The following DIS3 variants were observed in gnomAD, a reference collection of about 807,000 sequenced individuals.
DIS3 encodes the protein DIS3 exosome endoribonuclease and 3'-5' exoribonuclease.
Under a neutral mutation model 113.0 loss-of-function variants are expected in DIS3, and 103 were observed. The observed-to-expected ratio is 0.91, with a 90% CI of 0.78 to 1.07. The LOEUF is 1.07. Ranked by LOEUF, DIS3 falls within the 50% of genes least tolerant of loss-of-function variation. DIS3 has a pLI of 0.00. For missense variants in DIS3, 1,121 were observed against 1,167.1 expected, an observed-to-expected ratio of 0.96 and a Z score of 0.58; for synonymous variants, 402 against 394.3, an observed-to-expected ratio of 1.02 and a Z score of -0.23.
Position 72,759,093 on chromosome 13 carries a change from AC to A in DIS3, c.*701del, listed in dbSNP as rs2033563089. The A allele has an allele frequency of 5.5e-6, 1 of 180,604 alleles. No homozygotes were observed. Among genetic ancestry groups the A allele is most frequent in the African/African-American group, 2.4e-5 (1 of 42,432 alleles). 11.2% of individuals were successfully genotyped at this position (180,604 alleles called of 1,614,324 possible). A position where few individuals can be genotyped will look rare whatever the true frequency, so the allele number is the denominator to read the frequency against. ...TTATTTTGTAAGTAACAAGATATAG[AC>A]ATTTGAATGCCAATGTCTTATTCTG... is the stretch of plus-strand genomic sequence containing the variant. On this transcript the variant is annotated 3_prime_UTR_variant, in exon 21 of 21. Transcript: ENST00000377767.
chr13:72,771,666 AC>A, intron 11 of DIS3, 128 bp downstream of exon 11: 1 of 802,340 alleles, frequency 1.2e-6, no homozygotes, highest in Admixed American at 3.2e-5. Flanking sequence ...CCACTCGATA[AC>A]AAAAATTTGC....
intron 5 of DIS3, 129 bp downstream of exon 5, chr13:72,775,792 GAAAA>G: frequency 1.3e-6 from 1 of 781,608 alleles, no homozygotes; most frequent in Non-Finnish European, 1.8e-6. Context: ...AAAAAAAAAA[GAAAA>G]AAGTTACTAT....
At chr13:72,774,490 T>C (rs897503674) in intron 6 of DIS3, among the ~76,000 whole-genome samples, 2 of 152,054 alleles carry the variant, frequency 1.3e-5, no homozygotes, top group East Asian at 1.9e-4. Context: ...GGTTCTTCCT[T>C]ATAAAAAATA....
intron 7 of DIS3, 54 bp from the exon 8 acceptor site, chr13:72,773,875 C>T (rs1156674575): frequency 1.1e-5 from 18 of 1,594,202 alleles, no homozygotes; most frequent in African/African-American, 1.4e-5. Context: ...AGGATGGAGG[C>T]AAAAGAAAGG....
intron 15 of DIS3, among the ~76,000 whole-genome samples, chr13:72,765,699 T>C (rs1479113254): frequency 6.6e-6 from 1 of 152,196 alleles, no homozygotes; most frequent in Non-Finnish European, 1.5e-5. Flanking sequence ...TTTTTTATCT[T>C]ACTCTAACTA....
In DIS3 at chr13:72,772,274, T is replaced by G; in HGVS notation, c.1388A>C (p.Asp463Ala). The G allele has an allele frequency of 6.3e-7, 1 of 1,599,750 alleles. No homozygotes were observed. Reference protein sequence around the residue: ...PKMPWSITEKDMKNREDLRHL... With the variant: ...PKMPWSITEKAMKNREDLRHL... ...CCTCAGGTCTTCTCGGTTTTTCATG[T>G]CCTAGAAGACATGAAATGATAAACA... Residue 463 changes from aspartate to alanine, a missense_variant and splice_region_variant, in exon 10 of 21, where the codon GAC (aspartate) becomes GCC (alanine). Asp to Ala is a moderately radical substitution (Grantham distance 126). Coordinates refer to ENST00000377767, the MANE Select transcript of DIS3 (RefSeq NM_014953.5).
At chr13:72,770,464 A>T (rs559570586) in intron 13 of DIS3, among the ~76,000 whole-genome samples, 1 of 152,146 alleles carries the variant, frequency 6.6e-6, no homozygotes, top group Non-Finnish European at 1.5e-5. Context: ...AATTCTCAAG[A>T]AGTGGGCAGG....
In DIS3 at chr13:72,762,149, A is replaced by C; in HGVS notation, c.2128-12T>G. The C allele has an allele frequency of 6.2e-7, 1 of 1,608,180 alleles. No individual in the cohort carries two copies. The highest frequency in any genetic ancestry group is 8.5e-7 in the Non-Finnish European group (1 of 1,176,260). ...TTAATTTCCAAATTCTGTAAACAAAAAGGAGGGAAGAGCACCATATTAAAC... is the reference window on the plus strand; with the variant it reads ...TTAATTTCCAAATTCTGTAAACAAACAGGAGGGAAGAGCACCATATTAAAC... On this transcript the variant is annotated splice_polypyrimidine_tract_variant and intron_variant, in intron 16 of 20. Transcript: ENST00000377767.
chr13:72,763,537 C>T lies in DIS3; in HGVS notation c.2041G>A (p.Glu681Lys). 1 of 1,613,618 alleles carries T rather than the reference C, an allele frequency of 6.2e-7. No homozygotes were observed. The highest frequency in any genetic ancestry group is 8.5e-7 in the Non-Finnish European group (1 of 1,179,868). ...NISVAKKIHE[E>K]FSEHALLRKH... The stretch of plus-strand genomic sequence containing the variant: ...CGAAGCAGAGCATGTTCAGAAAATT[C>T]CTCATGAATTTTTTTTGCAACAGAA... The change falls in exon 16 of 21, where the codon GAA (glutamate) becomes AAA (lysine). Residue 681 changes from glutamate (E) to lysine (K), a missense_variant. Around this residue, in one of 3 missense-constraint regions of DIS3, gnomAD observed 861 missense variants for 915.5 expected, o/e 0.94. Coordinates refer to ENST00000377767, the MANE Select transcript of DIS3 (RefSeq NM_014953.5).
At chr13:72,761,611 C>A (rs2033624715) in intron 18 of DIS3, 35 bp downstream of exon 18, 2 of 1,544,660 alleles carry the variant, frequency 1.3e-6, no homozygotes, top group African/African-American at 2.8e-5. Flanking sequence ...AACAAAACTT[C>A]ATTTTTTCTA....
chr13:72,773,874 G>C, intron 7 of DIS3, 53 bp from the exon 8 acceptor site: 1 of 1,594,346 alleles, frequency 6.3e-7, no homozygotes, highest in Non-Finnish European at 8.5e-7. Flanking sequence ...GAGGATGGAG[G>C]CAAAAGAAAG....
intron 8 of DIS3, 150 bp downstream of exon 8, chr13:72,773,534 G>T: frequency 1.3e-6 from 1 of 762,592 alleles, no homozygotes; most frequent in Non-Finnish European, 2.0e-6. Flanking sequence ...TTTCAAAGTA[G>T]ACATGCTACT....
chr13:72,753,506 A>G lies in DIS3; in HGVS notation c.*6289T>C. 1 of 526,898 alleles carries G rather than the reference A, an allele frequency of 1.9e-6. No homozygotes were observed. The highest frequency in any genetic ancestry group is 3.2e-6 in the Non-Finnish European group (1 of 308,184). The allele number at this position is 526,898 out of a possible 1,614,324, so 32.6% of individuals were successfully genotyped here. A position where few individuals can be genotyped will look rare whatever the true frequency, so the allele number is the denominator to read the frequency against. On this transcript the variant is annotated 3_prime_UTR_variant, in exon 21 of 21. Transcript: ENST00000377767. ...GAAGGAATTGTAAAATGACTACAAT[A>G]ATCAGTACTATGCAGGACTACCTTT...
In DIS3 at chr13:72,756,158, CTG is replaced by C; in HGVS notation, c.*3635_*3636del. ...GTATTTATAAATCAACTTTTAAAAA[CTG>C]TCTCATTCAAAAGGGAATAAAGACC... On this transcript the variant is annotated 3_prime_UTR_variant, in exon 21 of 21. Coordinates refer to ENST00000377767, the MANE Select transcript of DIS3 (RefSeq NM_014953.5). 1 of 160,884 alleles carries C rather than the reference CTG, an allele frequency of 6.2e-6. No individual in the cohort carries two copies. The allele number at this position is 160,884 out of a possible 1,614,324, so 10.0% of individuals were successfully genotyped here. A position where few individuals can be genotyped will look rare whatever the true frequency, so the allele number is the denominator to read the frequency against.
intron 15 of DIS3, among the ~76,000 whole-genome samples, chr13:72,764,245 G>C (rs2033697812): frequency 6.6e-6 from 1 of 151,970 alleles, no homozygotes; most frequent in African/African-American, 2.4e-5. Context: ...GATTTTACCA[G>C]GTCCAAAAAT....
In DIS3 at chr13:72,761,735, G is replaced by T; in HGVS notation, c.2422C>A (p.His808Asn). The change falls in exon 18 of 21, where the codon CAC becomes AAC. Residue 808 changes from histidine to asparagine, a missense_variant. Physicochemically the swap from His to Asn is moderately conservative, Grantham distance 68 (BLOSUM62 1). This residue lies in a region of DIS3 where 861 missense variants were observed against 915.5 expected (regional missense o/e 0.94). Coordinates refer to ENST00000377767, the MANE Select transcript of DIS3 (RefSeq NM_014953.5). The part of the protein sequence containing the change: ...DCTYPELTDK[H>N]KLADICKNLN... ...TTTTTACATATATCTGCAAGCTTGT[G>T]TTTGTCTGTCAACTCTGGATAAGTA... 1.2e-6 allele frequency: 2 copies of T among 1,613,852 alleles called. No homozygotes were observed. Among genetic ancestry groups the T allele is most frequent in the South Asian group, 2.2e-5 (2 of 90,966 alleles).
chr13:72,761,959 G>C lies in DIS3; in HGVS notation c.2306C>G (p.Ser769Cys). ...TGAAGTAAAATGTGTGTATATTGGA[G>C]ACGCTAAGCCATAGTGATGAAAATC... ...DNDFHHYGLA[S>C]PIYTHFTSPI... is the part of the protein sequence containing the mutation. The change falls in exon 17 of 21, where the codon TCT becomes TGT. Residue 769 changes from serine to cysteine, a missense_variant. Ser to Cys is a moderately radical substitution (Grantham distance 112). Transcript: ENST00000377767. 3 of 1,614,108 alleles carry C rather than the reference G, an allele frequency of 1.9e-6. No individual in the cohort carries two copies. The highest frequency in any genetic ancestry group is 1.7e-6 in the Non-Finnish European group (2 of 1,180,026).
rs769654069 is a variant in DIS3, at chr13:72,771,056, A to G, written c.1670+25T>C. On this transcript the variant is annotated intron_variant, in intron 12 of 20. Coordinates refer to ENST00000377767, the MANE Select transcript of DIS3 (RefSeq NM_014953.5). ...TAAAGTAGTAAATACAATGTCTTCA[A>G]GGAAAAAAAACCATGCAGAAATACC... 31 of 1,611,820 alleles carry G rather than the reference A, an allele frequency of 1.9e-5. No homozygotes were observed. The South Asian group carries it at 3.2e-4, about 17-fold the overall frequency.
rs779140726 is a variant in DIS3, at chr13:72,766,006, G to A, written c.1936C>T (p.His646Tyr). 5.0e-6 allele frequency: 8 copies of A among 1,611,658 alleles called. No individual in the cohort carries two copies. In the South Asian group the frequency reaches 6.6e-5, roughly 13 times the overall value. The stretch of plus-strand genomic sequence containing the variant: ...TTGGTCTGCAGATCTATAGGATCGT[G>A]AGTTTCACTGTCCATGTGGAATCGA... ...EVRFHMDSET[H>Y]DPIDLQTKEL... The change falls in exon 15 of 21, where the codon CAC becomes TAC. Residue 646 changes from histidine (H) to tyrosine (Y), a missense_variant. Physicochemically the swap from His to Tyr is moderately conservative, Grantham distance 83. This residue lies in a region of DIS3 where 861 missense variants were observed against 915.5 expected (regional missense o/e 0.94). Transcript: ENST00000377767.
Sources: allele counts gnomAD v4.1 joint callset (sites outside exome capture counted in the v4.1 genomes callset), GRCh38; gene constraint gnomAD v4.1.1; regional missense constraint gnomAD v4.1.1; transcripts MANE v1.5; gene names NCBI Gene and HGNC (gene_info 2026-07-23, HGNC 2026-07-21).